The following MAPK1IP1L variants were observed in gnomAD, a reference collection of about 807,000 sequenced individuals.
MAPK1IP1L encodes the protein mitogen-activated protein kinase 1 interacting protein 1 like.
Under a neutral mutation model 18.1 loss-of-function variants are expected in MAPK1IP1L, and 10 were observed. That is an observed-to-expected ratio of 0.55 (90% CI 0.34 to 0.94). The LOEUF (loss-of-function observed/expected upper bound fraction) is 0.94. Ranked by LOEUF, MAPK1IP1L falls within the 40% of genes least tolerant of loss-of-function variation. MAPK1IP1L has a pLI of 0.02. For synonymous variants in MAPK1IP1L, 115 were observed against 117.3 expected, an observed-to-expected ratio of 0.98 and a Z score of 0.13; for missense variants, 260 against 318.2, an observed-to-expected ratio of 0.82 and a Z score of 1.39.
intron 1 of MAPK1IP1L, among the ~76,000 whole-genome samples, chr14:55,053,584 T>G (rs1477185818): frequency 6.6e-6 from 1 of 152,230 alleles, no homozygotes; most frequent in African/African-American, 2.4e-5. Context: ...GAGCCGACTT[T>G]TAGTGAAATA....
chr14:55,059,838 G>A (rs1465351393), intron 1 of MAPK1IP1L, among the ~76,000 whole-genome samples: 1 of 152,128 alleles, frequency 6.6e-6, no homozygotes, highest in African/African-American at 2.4e-5. Flanking sequence ...ATGTTTCATG[G>A]TAAATATTGG....
Position 55,069,715 on chromosome 14 carries a change from C to T in MAPK1IP1L, c.*5088C>T, listed in dbSNP as rs1352165851. 2 of 152,188 alleles carry T rather than the reference C, an allele frequency of 1.3e-5. No homozygotes were observed. Among genetic ancestry groups the T allele is most frequent in the Non-Finnish European group, 2.9e-5 (2 of 68,040 alleles). The allele number at this position is 152,188 out of a possible 1,614,324, so 9.4% of individuals were successfully genotyped here. A position where few individuals can be genotyped will look rare whatever the true frequency, so the allele number is the denominator to read the frequency against. On this transcript the variant is annotated 3_prime_UTR_variant, in exon 4 of 4. Coordinates refer to ENST00000395468, the MANE Select transcript of MAPK1IP1L (RefSeq NM_144578.4). ...AGGATATCTGGAAACCACCCTTCCT[C>T]CGCAAACCCTCTCAGCAACATGGTG...
At chr14:55,058,424 A>C (rs1032556328) in intron 1 of MAPK1IP1L, among the ~76,000 whole-genome samples, 7 of 152,248 alleles carry the variant, frequency 4.6e-5, no homozygotes, top group African/African-American at 1.4e-4. Context: ...CACAGGGAAA[A>C]GTTTAACAGA....
At chr14:55,061,885 C>A (rs572725704) in intron 2 of MAPK1IP1L, among the ~76,000 whole-genome samples, 184 bp downstream of exon 2, 1 of 152,268 alleles carries the variant, frequency 6.6e-6, no homozygotes, top group Admixed American at 6.5e-5. Flanking sequence ...CTGCAGTGAG[C>A]CATGATTGTG....
In MAPK1IP1L at chr14:55,069,306, A is replaced by G. The variant is rs545592418; in HGVS notation, c.*4679A>G. ...CTATGCATTTTAAGTTAAACTGCCTAAAATGTGATTTGAGACATATACATA... is the reference window on the plus strand; with the variant it reads ...CTATGCATTTTAAGTTAAACTGCCTGAAATGTGATTTGAGACATATACATA... On this transcript the variant is annotated 3_prime_UTR_variant, in exon 4 of 4. Transcript: ENST00000395468. 7.1e-4 allele frequency: 109 copies of G among 152,778 alleles called. No individual in the cohort carries two copies. Among genetic ancestry groups the G allele is most frequent in the African/African-American group, 2.5e-3 (102 of 41,590 alleles). The allele number at this position is 152,778 out of a possible 1,614,324, so 9.5% of individuals were successfully genotyped here.
chr14:55,062,619 TG>T lies in MAPK1IP1L; in HGVS notation c.22del (p.Ala8GlnfsTer15). MSDEFS[L>X]ADALPEHSPA... ...AGACGTATCTGTTTTGTGTTCCAGT[TG>T]GCAGATGCACTACCTGAACACTCCC... On this transcript the variant is annotated frameshift_variant and splice_region_variant, in exon 3 of 4. Transcript: ENST00000395468. LOFTEE classifies it high-confidence loss of function. 1 of 1,606,074 alleles carries T rather than the reference TG, an allele frequency of 6.2e-7. No homozygotes were observed. Among genetic ancestry groups the T allele is most frequent in the Non-Finnish European group, 8.5e-7 (1 of 1,175,218 alleles).
chr14:55,067,994 CTCAAGAA>C lies in MAPK1IP1L; in HGVS notation c.*3373_*3379del, dbSNP rs1294240460. 6.6e-6 allele frequency: 1 copy of C among 152,210 alleles called. No homozygotes were observed. 9.4% of individuals were successfully genotyped at this position (152,210 alleles called of 1,614,324 possible). On this transcript the variant is annotated 3_prime_UTR_variant, in exon 4 of 4. Transcript: ENST00000395468. ...CTTAGGTCGTCATTCACACCCGGTT[CTCAAGAA>C]TCAAGTGGAGCACTTCAAAGACCTT...
At chr14:55,053,721 C>T (rs527511621) in intron 1 of MAPK1IP1L, among the ~76,000 whole-genome samples, 6 of 152,186 alleles carry the variant, frequency 3.9e-5, no homozygotes, top group Non-Finnish European at 8.8e-5. Context: ...ACACTAACTG[C>T]TCTTCTTTCC....
Position 55,066,344 on chromosome 14 carries a change from G to A in MAPK1IP1L, c.*1717G>A, listed in dbSNP as rs1010908304. ...ATGATAGATTCAAGCTTTTAGAAAT[G>A]AGAAAGTAGAAACTAATTTGTTAAG... On this transcript the variant is annotated 3_prime_UTR_variant, in exon 4 of 4. Coordinates refer to ENST00000395468, the MANE Select transcript of MAPK1IP1L (RefSeq NM_144578.4). The A allele has an allele frequency of 6.6e-6, 1 of 152,214 alleles. No individual in the cohort carries two copies. The highest frequency in any genetic ancestry group is 1.5e-5 in the Non-Finnish European group (1 of 68,048). The allele number at this position is 152,214 out of a possible 1,614,324, so 9.4% of individuals were successfully genotyped here.
chr14:55,056,855 GC>G (rs779795920), intron 1 of MAPK1IP1L, among the ~76,000 whole-genome samples: 14 of 152,118 alleles, frequency 9.2e-5, no homozygotes, highest in Non-Finnish European at 1.8e-4. Context: ...GTTGGGATAG[GC>G]TTGGGTTCTT....
At position 55,061,700 on chromosome 14, in the gene MAPK1IP1L, C is replaced by T. The variant is rs1039840270; in HGVS notation, c.17C>T (p.Ser6Leu). The T allele has an allele frequency of 1.3e-5, 21 of 1,567,400 alleles. No individual in the cohort carries two copies. Among genetic ancestry groups the T allele is most frequent in the South Asian group, 3.5e-5 (3 of 85,320 alleles). Residue 6 changes from serine to leucine, a missense_variant and splice_region_variant, in exon 2 of 4, where the codon TCG becomes TTG. Transcript: ENST00000395468. MSDEF[S>L]LADALPEHSP... The stretch of plus-strand genomic sequence containing the variant: ...TTTAGGAAAATGTCTGATGAATTTT[C>T]GGTAAGTTGATCAGTTTATCTGTGA...
At position 55,067,953 on chromosome 14, in the gene MAPK1IP1L, A is replaced by C. The variant is rs1240574554; in HGVS notation, c.*3326A>C. The stretch of plus-strand genomic sequence containing the variant: ...TGAAATGTTGAAACCAAAAAGACAA[A>C]AATTAAAACATAGACCTTAGGTCGT... On this transcript the variant is annotated 3_prime_UTR_variant, in exon 4 of 4. Transcript: ENST00000395468. 1 of 152,176 alleles carries C rather than the reference A, an allele frequency of 6.6e-6. No homozygotes were observed. Among genetic ancestry groups the C allele is most frequent in the Non-Finnish European group, 1.5e-5 (1 of 68,030 alleles). The allele number at this position is 152,176 out of a possible 1,614,324, so 9.4% of individuals were successfully genotyped here. A position where few individuals can be genotyped will look rare whatever the true frequency, so the allele number is the denominator to read the frequency against.
intron 1 of MAPK1IP1L, among the ~76,000 whole-genome samples, chr14:55,052,661 AACCCTCATT>A (rs977633096): frequency 2.0e-4 from 31 of 152,340 alleles, no homozygotes; most frequent in Middle Eastern, 3.4e-3. Context: ...TTCGAAAAGG[AACCCTCATT>A]ACAGGCAAAG....
In MAPK1IP1L at chr14:55,063,106, ATC is replaced by A; in HGVS notation, c.510_511del (p.Pro171ArgfsTer52). ...ATCCTACCCCTAATATGCCATATCC[ATC>A]TCCAGGCCCATATCCCGCTCCTCCT... ...QYPTPNMPYP[S>X]PGPYPAPPPP... On this transcript the variant is annotated frameshift_variant, in exon 3 of 4. Coordinates refer to ENST00000395468, the MANE Select transcript of MAPK1IP1L (RefSeq NM_144578.4). LOFTEE classifies it high-confidence loss of function. 1 of 1,613,254 alleles carries A rather than the reference ATC, an allele frequency of 6.2e-7. No homozygotes were observed. Among genetic ancestry groups the A allele is most frequent in the Non-Finnish European group, 8.5e-7 (1 of 1,179,950 alleles).
In MAPK1IP1L at chr14:55,064,868, A is replaced by G; in HGVS notation, c.*241A>G. 1 of 403,738 alleles carries G rather than the reference A, an allele frequency of 2.5e-6. No individual in the cohort carries two copies. 25.0% of individuals were successfully genotyped at this position (403,738 alleles called of 1,614,324 possible). ...GTGATTTTTATTTGGTTTTCATGGA[A>G]AGTTAAAGTGATAAAGTATATTGAA... On this transcript the variant is annotated 3_prime_UTR_variant, in exon 4 of 4. Coordinates refer to ENST00000395468, the MANE Select transcript of MAPK1IP1L (RefSeq NM_144578.4).
In MAPK1IP1L at chr14:55,062,470, TA is replaced by T. The variant is rs149345759; in HGVS notation, c.19-147del. On this transcript the variant is annotated intron_variant, in intron 2 of 3. Transcript: ENST00000395468. ...ATCTCAAGGTTTATGTTAAATAGAGTATTTTTTAAATGACTAGCTTAGCTTT... is the reference window on the plus strand; with the variant it reads ...ATCTCAAGGTTTATGTTAAATAGAGTTTTTTTAAATGACTAGCTTAGCTTT... 3,847 of 669,542 alleles carry T rather than the reference TA, an allele frequency of 5.7e-3. 78 individuals carry two copies. The highest frequency in any genetic ancestry group is 0.038 in the South Asian group (1,802 of 47,862). 41.5% of individuals were successfully genotyped at this position (669,542 alleles called of 1,614,324 possible).
chr14:55,062,350 A>G (rs2042824217), intron 2 of MAPK1IP1L, among the ~76,000 whole-genome samples: 1 of 152,224 alleles, frequency 6.6e-6, no homozygotes, highest in Admixed American at 6.5e-5. Flanking sequence ...TGTTGTATTA[A>G]TACAGCAGAG....
chr14:55,052,443 A>G (rs541097002), intron 1 of MAPK1IP1L, among the ~76,000 whole-genome samples: 28 of 152,252 alleles, frequency 1.8e-4, no homozygotes, highest in East Asian at 1.9e-4. Flanking sequence ...GAATTCAGTG[A>G]TCTCCTTTTT....
intron 1 of MAPK1IP1L, among the ~76,000 whole-genome samples, chr14:55,059,866 A>G (rs2042802831): frequency 6.6e-6 from 1 of 152,184 alleles, no homozygotes; most frequent in Non-Finnish European, 1.5e-5. Context: ...CTAGTTATAA[A>G]TGGCAGCAGT....
Sources: gnomAD v4.1 joint callset for allele counts (sites outside exome capture counted in the v4.1 genomes callset) on GRCh38, gnomAD v4.1.1 for gene constraint, MANE v1.5 for transcripts, NCBI Gene and HGNC (gene_info 2026-07-23, HGNC 2026-07-21) for gene names.